CLUL1: variants seen among roughly 807,000 people sequenced by gnomAD.
CLUL1 encodes the protein clusterin like 1, also known as clusterin-like protein 1.
A neutral mutation model predicts 49.4 loss-of-function variants in CLUL1; 43 were observed. That is an observed-to-expected ratio of 0.87 (90% CI 0.68 to 1.12). The LOEUF (loss-of-function observed/expected upper bound fraction) is 1.12, where lower values mean the gene tolerates loss of function less well. Ranked by LOEUF, CLUL1 falls within the 50% of genes most tolerant of loss-of-function variation. CLUL1 has a pLI of 0.00. For synonymous variants in CLUL1, 192 were observed against 184.9 expected (o/e 1.04, Z -0.31); for missense variants, 486 against 544.4 (o/e 0.89, Z 1.07).
chr18:617,928 A>T lies in CLUL1; in HGVS notation c.-13-60A>T, dbSNP rs9960753. 10,763 of 1,422,150 alleles carry T rather than the reference A, an allele frequency of 7.6e-3. 664 individuals carry two copies. The African/African-American group carries it at 0.13, about 17-fold the overall frequency. The allele number at this position is 1,422,150 out of a possible 1,614,324, so 88.1% of individuals were successfully genotyped here. A position where few individuals can be genotyped will look rare whatever the true frequency, so the allele number is the denominator to read the frequency against. Reference sequence around the variant, plus strand: ...TTGGAGCCCCAGGTGTTTTCAATTGATGCCAACAGAAACTAACCAAATGGA... The same window carrying T: ...TTGGAGCCCCAGGTGTTTTCAATTGTTGCCAACAGAAACTAACCAAATGGA... On this transcript the variant is annotated intron_variant, in intron 2 of 9. Coordinates refer to ENST00000692774, the MANE Select transcript of CLUL1 (RefSeq NM_001393344.1).
chr18:609,103 C>A (rs1170246540), intron 2 of CLUL1, among the ~76,000 whole-genome samples: 2 of 152,100 alleles, frequency 1.3e-5, no homozygotes, highest in Non-Finnish European at 2.9e-5. Flanking sequence ...CATCTAAACA[C>A]AAAATTCATT....
At chr18:612,204 C>T (rs999217220) in intron 2 of CLUL1, among the ~76,000 whole-genome samples, 1 of 152,150 alleles carries the variant, frequency 6.6e-6, no homozygotes, top group Non-Finnish European at 1.5e-5. Context: ...ATTATTGTTG[C>T]CCTTTGGGAA....
chr18:632,156 T>C (rs1383705186), intron 6 of CLUL1, among the ~76,000 whole-genome samples: 2 of 152,232 alleles, frequency 1.3e-5, no homozygotes, highest in African/African-American at 4.8e-5. Flanking sequence ...AACCGCCAAT[T>C]TTCTGTTGGA....
intron 1 of CLUL1, chr18:598,152 T>C (rs2072710928): frequency 1.2e-5 from 2 of 160,056 alleles, no homozygotes; most frequent in Admixed American, 1.3e-4. Flanking sequence ...TGGAAAAGTT[T>C]CTAAAAATAT....
At chr18:645,280 A>G (rs1245912624) in intron 9 of CLUL1, 183 bp downstream of exon 9, 3 of 469,012 alleles carry the variant, frequency 6.4e-6, no homozygotes, top group Non-Finnish European at 1.1e-5. Flanking sequence ...AACCCAGGAA[A>G]TCCTGATAGG....
At chr18:639,593 C>T (rs1179988005) in intron 7 of CLUL1, among the ~76,000 whole-genome samples, 7 of 151,774 alleles carry the variant, frequency 4.6e-5, no homozygotes, top group South Asian at 4.2e-4. Flanking sequence ...GGTGAAACCC[C>T]GTCTCTACTA....
At chr18:638,947 C>A (rs1283395757) in intron 7 of CLUL1, among the ~76,000 whole-genome samples, 1 of 152,136 alleles carries the variant, frequency 6.6e-6, no homozygotes. Flanking sequence ...ATCCACATCA[C>A]ATTCACTTTA....
intron 7 of CLUL1, among the ~76,000 whole-genome samples, chr18:636,579 A>T (rs747610454): frequency 5.9e-4 from 88 of 150,174 alleles, no homozygotes; most frequent in South Asian, 1.7e-3. Context: ...TCATTATTCG[A>T]GTGGTTAGTA....
At position 609,075 on chromosome 18, in the gene CLUL1, T is replaced by C. The variant is rs1027316786; in HGVS notation, c.-14+1976T>C. Among the ~76,000 whole-genome samples the C allele has an allele frequency of 5.3e-5, 8 of 152,314 alleles. No individual in the cohort carries two copies. In the East Asian group the frequency reaches 1.5e-3, roughly 29 times the overall value. ...ATATTTGCATATACACAATGAGATA[T>C]CTTGGGGATAGAACCTACATCTAAA... On this transcript the variant is annotated intron_variant, in intron 2 of 9. Transcript: ENST00000692774.
chr18:633,299 T>C lies in CLUL1; in HGVS notation c.858T>C (p.Ala286=), dbSNP rs1598435448. 1.9e-6 allele frequency: 3 copies of C among 1,611,346 alleles called. No individual in the cohort carries two copies. Among genetic ancestry groups the C allele is most frequent in the Non-Finnish European group, 8.5e-7 (1 of 1,178,708 alleles). Residue 286 remains alanine (A), a splice_region_variant and synonymous_variant, in exon 7 of 10, where the codon GCT becomes GCC. Transcript: ENST00000692774. The part of the protein sequence containing the change: ...AIEDLPKQDK[A]PDHGGLISKM... ...GTGTAAATGTTATGTTCCCTGTAGC[T>C]CCTGACCACGGAGGCCTGATTTCAA...
In CLUL1 at chr18:646,147, C is replaced by T. The variant is rs113921807; in HGVS notation, c.1397+1050C>T. On this transcript the variant is annotated intron_variant, in intron 9 of 9. Coordinates refer to ENST00000692774, the MANE Select transcript of CLUL1 (RefSeq NM_001393344.1). ...TCTCCGACTCCATCATCACACTGCA[C>T]GGCTTCCTGTTAAGATATTTGCTCA... 2.8e-3 allele frequency among the ~76,000 whole-genome samples: 419 copies of T among 151,730 alleles called. 4 individuals carry two copies. Among genetic ancestry groups the T allele is most frequent in the African/African-American group, 9.3e-3 (386 of 41,380 alleles).
At chr18:624,727 A>T (rs1366929594) in intron 4 of CLUL1, 138 bp from the exon 5 acceptor site, 2 of 706,286 alleles carry the variant, frequency 2.8e-6, no homozygotes, top group African/African-American at 3.6e-5. Flanking sequence ...TTTGGGGGAG[A>T]TCTGACAGCT....
At chr18:601,872 C>A (rs2072841125) in intron 1 of CLUL1, among the ~76,000 whole-genome samples, 1 of 151,588 alleles carries the variant, frequency 6.6e-6, no homozygotes, top group South Asian at 2.1e-4. Flanking sequence ...ATTAGATATA[C>A]CAAGAAAAGT....
At position 630,672 on chromosome 18, in the gene CLUL1, C is replaced by CTTTTTTTTT. The variant is rs36222515; in HGVS notation, c.857-2601_857-2593dup. Reference sequence around the variant, plus strand: ...CGCAAAAAACTAGCCCTACTGACATCTTTTTTTTTTTTTTTTTTTTTTTTT... The same window carrying CTTTTTTTTT: ...CGCAAAAAACTAGCCCTACTGACATCTTTTTTTTTTTTTTTTTTTTTTTTTTTTTTTTTT... On this transcript the variant is annotated intron_variant, in intron 6 of 9. Transcript: ENST00000692774. Among the ~76,000 whole-genome samples, 20 of 62,044 alleles carry CTTTTTTTTT rather than the reference C, an allele frequency of 3.2e-4. 1 individual carries two copies. The highest frequency in any genetic ancestry group is 1.0e-3 in the African/African-American group (14 of 13,908). The allele number at this position is 62,044 out of a possible 152,430, so 40.7% of individuals were successfully genotyped here.
In CLUL1 at chr18:615,472, G is replaced by A. The variant is rs377513854; in HGVS notation, c.-13-2516G>A. 5.9e-5 allele frequency among the ~76,000 whole-genome samples: 9 copies of A among 152,294 alleles called. No homozygotes were observed. In the East Asian group the frequency reaches 9.6e-4, roughly 16 times the overall value. The stretch of plus-strand genomic sequence containing the variant: ...ATTTGGGTCTGTTGAAAAAGAACAC[G>A]CAGATGCCAGCCTTGATGTCAAACG... On this transcript the variant is annotated intron_variant, in intron 2 of 9. Coordinates refer to ENST00000692774, the MANE Select transcript of CLUL1 (RefSeq NM_001393344.1).
rs537042014 is a variant in CLUL1, at chr18:643,711, T to C, written c.1210-1199T>C. Among the ~76,000 whole-genome samples, 37 of 152,348 alleles carry C rather than the reference T, an allele frequency of 2.4e-4. 1 individual carries two copies. The highest frequency in any genetic ancestry group is 1.4e-3 in the South Asian group (7 of 4,828). On this transcript the variant is annotated intron_variant, in intron 8 of 9. Transcript: ENST00000692774. ...ATTATGGTTTTCAATTATACATTTT[T>C]ATAACAATTATTACCACTTAAGAGC...
At chr18:625,546 C>T (rs577311922) in intron 5 of CLUL1, among the ~76,000 whole-genome samples, 9 of 151,606 alleles carry the variant, frequency 5.9e-5, no homozygotes, top group Non-Finnish European at 1.2e-4. Context: ...CACACACACA[C>T]ACACACACAC....
chr18:637,760 C>T (rs1038838831), intron 7 of CLUL1, among the ~76,000 whole-genome samples: 1 of 151,940 alleles, frequency 6.6e-6, no homozygotes, highest in Admixed American at 6.6e-5. Context: ...GGATCACCTG[C>T]GGTCAGGAGT....
At chr18:647,123 G>T (rs2074529959) in intron 9 of CLUL1, among the ~76,000 whole-genome samples, 1 of 152,186 alleles carries the variant, frequency 6.6e-6, no homozygotes, top group South Asian at 2.1e-4. Context: ...CAGAATCAAA[G>T]TGTATAGGTT....
Sources: allele counts gnomAD v4.1 joint callset (sites outside exome capture counted in the v4.1 genomes callset), GRCh38; gene constraint gnomAD v4.1.1; transcripts MANE v1.5; gene names NCBI Gene and HGNC (gene_info 2026-07-23, HGNC 2026-07-21).